The following HIVEP1 variants were observed in gnomAD, a reference collection of about 807,000 sequenced individuals.
The protein encoded by HIVEP1 is HIVEP zinc finger 1.
A neutral mutation model predicts 180.0 loss-of-function variants in HIVEP1; 36 were observed. That is an observed-to-expected ratio of 0.20 (90% confidence interval 0.15 to 0.26). The LOEUF (loss-of-function observed/expected upper bound fraction) is 0.26. Among genes scored for constraint, HIVEP1 ranks in the 10% least tolerant of loss-of-function variants. The pLI, the probability that HIVEP1 is intolerant of heterozygous loss-of-function variation, is 1.00. For missense variants in HIVEP1, 3,143 were observed against 3,268.7 expected (o/e 0.96, Z 0.94); for synonymous variants, 1,239 against 1,239.0 (o/e 1.00, Z 0.00).
intron 7 of HIVEP1, among the ~76,000 whole-genome samples, chr6:12,155,413 AC>A (rs1421009297): frequency 8.3e-6 from 1 of 121,164 alleles, no homozygotes; most frequent in Admixed American, 8.8e-5. Context: ...CACCCCTATC[AC>A]CCCCCAACAG....
intron 2 of HIVEP1, among the ~76,000 whole-genome samples, chr6:12,054,900 T>C (rs1030716929): frequency 6.6e-6 from 1 of 152,236 alleles, no homozygotes; most frequent in Non-Finnish European, 1.5e-5. Context: ...ACATGTTAAA[T>C]ACCCATTTTA....
chr6:12,137,142 C>G lies in HIVEP1; in HGVS notation c.6487+1250C>G, dbSNP rs918777358. ...ACGTCTTCAGTGATACAGAGCAATT[C>G]AGTTGTAAAAAGCTAGGAAAAGTGG... On this transcript the variant is annotated intron_variant, in intron 7 of 8. Transcript: ENST00000379388. Among the ~76,000 whole-genome samples, 3 of 152,282 alleles carry G rather than the reference C, an allele frequency of 2.0e-5. No individual in the cohort carries two copies. The East Asian group carries it at 5.8e-4, about 29-fold the overall frequency.
At chr6:12,069,665 A>T (rs1399750180) in intron 2 of HIVEP1, among the ~76,000 whole-genome samples, 1 of 151,632 alleles carries the variant, frequency 6.6e-6, no homozygotes, top group Admixed American at 6.6e-5. Flanking sequence ...TGGCAAATGT[A>T]TACATATGTA....
intron 2 of HIVEP1, chr6:12,038,126 G>T: frequency 5.2e-6 from 1 of 192,952 alleles, no homozygotes; most frequent in East Asian, 1.2e-4. Flanking sequence ...TTAGTGTTTT[G>T]ATCTATTGAT....
the HIVEP1 span, among the ~76,000 whole-genome samples, chr6:12,205,360 A>G: frequency 1.3e-5 from 2 of 152,042 alleles, no homozygotes; most frequent in Non-Finnish European, 2.9e-5. Context: ...AGTCCCAGCT[A>G]CTTGGGAGGC....
At chr6:12,064,150 AT>A (rs1445145266) in intron 2 of HIVEP1, among the ~76,000 whole-genome samples, 6 of 151,990 alleles carry the variant, frequency 3.9e-5, no homozygotes, top group African/African-American at 1.2e-4. Flanking sequence ...CACCAAATAA[AT>A]TTTTTTTAAT....
intron 3 of HIVEP1, among the ~76,000 whole-genome samples, chr6:12,112,148 T>G (rs1774937985): frequency 6.6e-6 from 1 of 152,204 alleles, no homozygotes; most frequent in South Asian, 2.1e-4. Flanking sequence ...TGGCCTTCAT[T>G]TTTGAAAGCT....
rs985330394 is a variant in HIVEP1, at chr6:12,131,655, G to A, written c.6385+713G>A. On this transcript the variant is annotated intron_variant, in intron 6 of 8. Transcript: ENST00000379388. ...ACTACTTTAAATGTTTGCTTCCTCCGTCAGGCTCCTTATTCATGAACAATT... is the reference window on the plus strand; with the variant it reads ...ACTACTTTAAATGTTTGCTTCCTCCATCAGGCTCCTTATTCATGAACAATT... Among the ~76,000 whole-genome samples, 5 of 150,836 alleles carry A rather than the reference G, an allele frequency of 3.3e-5. No homozygotes were observed. The South Asian group carries it at 6.3e-4, about 19-fold the overall frequency.
chr6:12,080,552 T>C lies in HIVEP1; in HGVS notation c.41-8632T>C, dbSNP rs185591923. Among the ~76,000 whole-genome samples the C allele has an allele frequency of 1.3e-3, 203 of 152,300 alleles. 1 individual carries two copies. The highest frequency in any genetic ancestry group is 3.4e-3 in the Admixed American group (52 of 15,294). ...CACATTTGTTGTGTGTCTGTGTACA[T>C]TTTGTTATTTTCATGGTCTGTTTTG... On this transcript the variant is annotated intron_variant, in intron 2 of 8. Transcript: ENST00000379388.
chr6:12,105,889 C>T (rs1774393785), intron 3 of HIVEP1, among the ~76,000 whole-genome samples: 1 of 151,882 alleles, frequency 6.6e-6, no homozygotes, highest in Non-Finnish European at 1.5e-5. Flanking sequence ...ATGCTGTTTG[C>T]TTAAGATCTG....
At chr6:12,068,224 G>A (rs1771729222) in intron 2 of HIVEP1, among the ~76,000 whole-genome samples, 2 of 152,078 alleles carry the variant, frequency 1.3e-5, no homozygotes, top group Admixed American at 1.3e-4. Flanking sequence ...CCAAATAGCT[G>A]GGATTACAGA....
At chr6:12,094,880 T>A (rs1773697733) in intron 3 of HIVEP1, among the ~76,000 whole-genome samples, 1 of 152,072 alleles carries the variant, frequency 6.6e-6, no homozygotes, top group Non-Finnish European at 1.5e-5. Context: ...TAGGCAAGTC[T>A]TACAACATAT....
chr6:12,078,960 G>A (rs9369070), intron 2 of HIVEP1, among the ~76,000 whole-genome samples: 7,651 of 152,174 alleles, frequency 0.05, 205 homozygotes, highest in South Asian at 0.1. Context: ...GCGTGTGCAT[G>A]TGTGAATCCA....
chr6:12,053,599 C>A (rs1385206346), intron 2 of HIVEP1, among the ~76,000 whole-genome samples: 1 of 151,836 alleles, frequency 6.6e-6, no homozygotes, highest in Non-Finnish European at 1.5e-5. Flanking sequence ...GAGTCCATAG[C>A]CCTAGGTAAG....
At chr6:12,167,002 G>A (rs572977512), downstream of HIVEP1, among the ~76,000 whole-genome samples, 480 of 152,206 alleles carry the variant, frequency 3.2e-3, 2 homozygotes, top group Non-Finnish European at 4.6e-3. Flanking sequence ...AACATAAATC[G>A]AGGGCGTTCC....
intron 2 of HIVEP1, among the ~76,000 whole-genome samples, chr6:12,060,905 G>C (rs368705015): frequency 1.3e-5 from 2 of 152,184 alleles, no homozygotes; most frequent in African/African-American, 4.8e-5. Flanking sequence ...GCTGACATTT[G>C]TGGCCTCCTT....
chr6:12,058,918 A>G (rs1771050944), intron 2 of HIVEP1, among the ~76,000 whole-genome samples: 1 of 151,674 alleles, frequency 6.6e-6, no homozygotes, highest in African/African-American at 2.4e-5. Context: ...TTTATGTGAG[A>G]CGCATAGACA....
At chr6:12,109,695 C>T (rs1453351728) in intron 3 of HIVEP1, among the ~76,000 whole-genome samples, 2 of 152,208 alleles carry the variant, frequency 1.3e-5, no homozygotes, top group East Asian at 1.9e-4. Flanking sequence ...AGTCTTGAAT[C>T]CCTCAAAGTC....
At chr6:12,009,030 G>C (rs1304013368), upstream of HIVEP1, among the ~76,000 whole-genome samples, 1 of 151,524 alleles carries the variant, frequency 6.6e-6, no homozygotes, top group Non-Finnish European at 1.5e-5. Context: ...CAGCGCGCGC[G>C]GAGGGCGGAG....
Sources: allele counts gnomAD v4.1 joint callset (sites outside exome capture counted in the v4.1 genomes callset), GRCh38; gene constraint gnomAD v4.1.1; transcripts MANE v1.5; gene names NCBI Gene and HGNC (gene_info 2026-07-23, HGNC 2026-07-21).